The following KIF1B variants were observed in gnomAD, a reference collection of about 807,000 sequenced individuals.
KIF1B encodes kinesin family member 1B, also known as kinesin-like protein KIF1B.
A neutral mutation model predicts 241.9 loss-of-function variants in KIF1B; 76 were observed. The observed-to-expected ratio is 0.31, with a 90% CI of 0.26 to 0.38. The LOEUF (loss-of-function observed/expected upper bound fraction) is 0.38, where lower values mean the gene tolerates loss of function less well. Ranked by LOEUF, KIF1B falls within the 10% of genes least tolerant of loss-of-function variation. The pLI, the probability that KIF1B is intolerant of heterozygous loss-of-function variation, is 1.00. For synonymous variants in KIF1B, 750 were observed against 796.7 expected, an observed-to-expected ratio of 0.94 and a Z score of 0.99; for missense variants, 1,622 against 2,271.4, an observed-to-expected ratio of 0.71 and a Z score of 5.81.
At chr1:10,258,366 T>TA in intron 3 of KIF1B, 127 bp from the exon 4 acceptor site, 1 of 958,706 alleles carries the variant, frequency 1.0e-6, no homozygotes, top group Non-Finnish European at 1.6e-6. Context: ...ATAGGAGGCT[T>TA]AAAAAATGTG....
chr1:10,240,441 C>T (rs1174208974), intron 2 of KIF1B, among the ~76,000 whole-genome samples: 2 of 152,020 alleles, frequency 1.3e-5, no homozygotes, highest in Admixed American at 1.3e-4. Context: ...CTCCTGACCT[C>T]AAGTAATCCA....
chr1:10,291,094 A>T lies in KIF1B; in HGVS notation c.1447A>T (p.Ile483Phe). Reference sequence around the variant, plus strand: ...CTTCCTTCCTTAGGAATCAGAGAAGATCATTGCTGAGTTGAATGAAACTTG... The same window carrying T: ...CTTCCTTCCTTAGGAATCAGAGAAGTTCATTGCTGAGTTGAATGAAACTTG... ...AIERLKESEK[I>F]IAELNETWEE... The change falls in exon 16 of 49, where the codon ATC becomes TTC. Residue 483 changes from isoleucine to phenylalanine, a missense_variant. By Grantham distance (21) the Ile-to-Phe change is conservative. This residue lies in a region of KIF1B where 57 missense variants were observed against 149.0 expected (regional missense o/e 0.38). Transcript: ENST00000676179. The T allele has an allele frequency of 6.2e-7, 1 of 1,613,308 alleles. No individual in the cohort carries two copies. The highest frequency in any genetic ancestry group is 8.5e-7 in the Non-Finnish European group (1 of 1,179,476).
chr1:10,220,730 T>C (rs1646834502), intron 1 of KIF1B, among the ~76,000 whole-genome samples: 1 of 152,190 alleles, frequency 6.6e-6, no homozygotes, highest in Admixed American at 6.6e-5. Flanking sequence ...TGGTATCATC[T>C]TGGCTCACTG....
chr1:10,355,358 A>T (rs1005561707), intron 38 of KIF1B: 1 of 151,898 alleles, frequency 6.6e-6, no homozygotes, highest in Admixed American at 6.6e-5. Flanking sequence ...AGCCTTTTCT[A>T]TGTTTTTGCA....
chr1:10,261,994 C>CCG, intron 5 of KIF1B, 24 bp downstream of exon 5: 1 of 1,527,040 alleles, frequency 6.5e-7, no homozygotes, highest in Non-Finnish European at 9.1e-7. Flanking sequence ...TGAGTTGACA[C>CCG]CGTAAGCCCT....
intron 17 of KIF1B, 56 bp from the exon 18 acceptor site, chr1:10,295,030 A>T: frequency 8.7e-7 from 1 of 1,153,518 alleles, no homozygotes; most frequent in Non-Finnish European, 1.3e-6. Flanking sequence ...CCCTGTTGTT[A>T]CCACAGCTCT....
intron 22 of KIF1B, among the ~76,000 whole-genome samples, chr1:10,313,941 C>G (rs188611599): frequency 4.6e-5 from 7 of 151,358 alleles, no homozygotes; most frequent in Admixed American, 2.6e-4. Flanking sequence ...GTTGCCCAGG[C>G]CGGAGTGCAG....
intron 5 of KIF1B, among the ~76,000 whole-genome samples, chr1:10,264,064 C>T (rs1456363315): frequency 1.3e-5 from 2 of 152,200 alleles, no homozygotes; most frequent in Non-Finnish European, 2.9e-5. Flanking sequence ...CTCAGTGAGG[C>T]TTACCTTGAC....
chr1:10,348,792 T>TG lies in KIF1B; in HGVS notation c.3949+59_3949+60insG, dbSNP rs200317444. ...GGACTTACAGAGATTTTTTTTTTTT[T>TG]TGAGATAGGGTCTTGCTCTGTCACC... On this transcript the variant is annotated intron_variant, in intron 37 of 48. Coordinates refer to ENST00000676179, the MANE Select transcript of KIF1B (RefSeq NM_001365951.3). 1.8e-5 allele frequency: 23 copies of TG among 1,305,654 alleles called. 2 individuals carry two copies. In the African/African-American group the frequency reaches 2.2e-4, roughly 12 times the overall value. The allele number at this position is 1,305,654 out of a possible 1,614,324, so 80.9% of individuals were successfully genotyped here.
At position 10,374,454 on chromosome 1, in the gene KIF1B, A is replaced by C; in HGVS notation, c.5085A>C (p.Glu1695Asp). 1 of 1,614,252 alleles carries C rather than the reference A, an allele frequency of 6.2e-7. No individual in the cohort carries two copies. Among genetic ancestry groups the C allele is most frequent in the Non-Finnish European group, 8.5e-7 (1 of 1,180,050 alleles). The change falls in exon 46 of 49, where the codon GAA becomes GAC. Residue 1695 changes from glutamate (E) to aspartate (D), a missense_variant. Physicochemically the swap from Glu to Asp is conservative, Grantham distance 45. Transcript: ENST00000676179. The surrounding 1 kb of genome is among the most constrained non-coding windows in gnomAD (Gnocchi z 4.3). ...EFLNLVPDIE[E>D]IRPSSVVSKK... ...TCAATCTTGTTCCAGATATTGAAGA[A>C]ATTAGACCAAGGTGAGTACTATATT... is the stretch of plus-strand genomic sequence containing the variant.
At chr1:10,314,914 C>T (rs1475068511) in intron 22 of KIF1B, among the ~76,000 whole-genome samples, 2 of 151,428 alleles carry the variant, frequency 1.3e-5, no homozygotes, top group African/African-American at 4.9e-5. Context: ...AAAGTATTAA[C>T]ATTTTTTTTC....
intron 1 of KIF1B, among the ~76,000 whole-genome samples, chr1:10,217,111 T>C (rs946505279): frequency 1.3e-5 from 2 of 151,352 alleles, no homozygotes; most frequent in Non-Finnish European, 2.9e-5. Flanking sequence ...GTAGCTGGGA[T>C]TACAAACGTG....
chr1:10,282,500 A>C lies in KIF1B; in HGVS notation c.1401A>C (p.Thr467=). 1 of 1,614,144 alleles carries C rather than the reference A, an allele frequency of 6.2e-7. No individual in the cohort carries two copies. Among genetic ancestry groups the C allele is most frequent in the Non-Finnish European group, 8.5e-7 (1 of 1,180,004 alleles). ...VTSIQERIMS[T]PGGEEAIERL... ...GTATTCAAGAGAGGATCATGTCTAC[A>C]CCTGGAGGAGAGGAAGCTATTGAAC... is the stretch of plus-strand genomic sequence containing the variant. The change falls in exon 15 of 49, where the codon ACA becomes ACC. Residue 467 remains threonine (T), a synonymous_variant. Coordinates refer to ENST00000676179, the MANE Select transcript of KIF1B (RefSeq NM_001365951.3).
chr1:10,224,753 T>C (rs1020085961), intron 1 of KIF1B, among the ~76,000 whole-genome samples: 1 of 152,184 alleles, frequency 6.6e-6, no homozygotes, highest in Admixed American at 6.5e-5. Context: ...TAATGCTGTT[T>C]AAATGTTAGT....
chr1:10,217,507 G>T (rs1035248723), intron 1 of KIF1B, among the ~76,000 whole-genome samples: 1 of 151,610 alleles, frequency 6.6e-6, no homozygotes, highest in Non-Finnish European at 1.5e-5. Context: ...AGTAGAGACG[G>T]TGTTTCACCA....
At chr1:10,276,437 T>C in intron 12 of KIF1B, 38 bp downstream of exon 12, 2 of 1,460,122 alleles carry the variant, frequency 1.4e-6, no homozygotes, top group African/African-American at 1.4e-5. Context: ...ATAGACCACA[T>C]TGCCATCAGA....
chr1:10,264,808 C>A (rs1364814592), intron 5 of KIF1B, among the ~76,000 whole-genome samples: 1 of 151,900 alleles, frequency 6.6e-6, no homozygotes, highest in Admixed American at 6.6e-5. Context: ...ATTACAGGCT[C>A]CTGCTACCAC....
At position 10,276,482 on chromosome 1, in the gene KIF1B, A is replaced by G. The variant is rs924048200; in HGVS notation, c.1037+83A>G. ...GTGATACCATGGATGTTTTTATGCTATCTGGGTAGTTATTTATGTAAATAA... is the reference window on the plus strand; with the variant it reads ...GTGATACCATGGATGTTTTTATGCTGTCTGGGTAGTTATTTATGTAAATAA... On this transcript the variant is annotated intron_variant, in intron 12 of 48. Transcript: ENST00000676179. 79 of 883,930 alleles carry G rather than the reference A, an allele frequency of 8.9e-5. 1 individual carries two copies. In the East Asian group the frequency reaches 2.0e-3, roughly 22 times the overall value. 54.8% of individuals were successfully genotyped at this position (883,930 alleles called of 1,614,324 possible). A position where few individuals can be genotyped will look rare whatever the true frequency, so the allele number is the denominator to read the frequency against.
intron 14 of KIF1B, 100 bp from the exon 15 acceptor site, chr1:10,282,221 CT>C: frequency 1.1e-6 from 1 of 932,720 alleles, no homozygotes; most frequent in Non-Finnish European, 1.7e-6. Context: ...CGCTTTAATG[CT>C]GTCCTTTCTT....
Sources: gnomAD v4.1 joint callset for allele counts (sites outside exome capture counted in the v4.1 genomes callset) on GRCh38, gnomAD v4.1.1 for gene constraint, gnomAD v4.1.1 regional missense constraint, Gnocchi (gnomAD v3.1) non-coding constraint, MANE v1.5 for transcripts, NCBI Gene and HGNC (gene_info 2026-07-23, HGNC 2026-07-21) for gene names.